SNN: variants seen among roughly 807,000 people sequenced by gnomAD.
The protein encoded by SNN is AG8_1.
A neutral mutation model predicts 5.3 loss-of-function variants in SNN; 5 were observed. The ratio of observed to expected loss-of-function variants is 0.94; its 90% CI spans 0.49 to 1.97. The LOEUF is 1.97. Among genes scored for constraint, SNN ranks in the 30% most tolerant of loss-of-function variants. The pLI is 0.01. For missense variants in SNN, 127 were observed against 121.6 expected, an observed-to-expected ratio of 1.04 and a Z score of -0.21; for synonymous variants, 67 against 52.1, an observed-to-expected ratio of 1.29 and a Z score of -1.24.
intron 1 of SNN, 83 bp from the exon 2 acceptor site, chr16:11,675,892 T>G: frequency 3.0e-6 from 2 of 674,328 alleles, no homozygotes; most frequent in South Asian, 2.3e-5. Flanking sequence ...AGGGTGAGGG[T>G]GGGATGGGCA....
chr16:11,679,098 AG>A lies in SNN; in HGVS notation c.*2773del. Reference sequence around the variant, plus strand: ...TTCAAGCTGATTTTCTAGACCACTGAGAAAATCTTTATTTACAATAAATTTC... The same window carrying A: ...TTCAAGCTGATTTTCTAGACCACTGAAAAATCTTTATTTACAATAAATTTC... On this transcript the variant is annotated 3_prime_UTR_variant, in exon 2 of 2. Transcript: ENST00000329565. This position sits in a 1 kb window ranked among gnomAD's most constrained non-coding sequence, Gnocchi z 4.6. The A allele has an allele frequency of 2.3e-6, 3 of 1,322,238 alleles. No individual in the cohort carries two copies. The highest frequency in any genetic ancestry group is 3.1e-6 in the Non-Finnish European group (3 of 968,822). 81.9% of individuals were successfully genotyped at this position (1,322,238 alleles called of 1,614,324 possible).
Position 11,676,375 on chromosome 16 carries a change from TGGGAGG to T in SNN, c.*52_*57del. 6.3e-7 allele frequency: 1 copy of T among 1,581,436 alleles called. No individual in the cohort carries two copies. The highest frequency in any genetic ancestry group is 8.6e-7 in the Non-Finnish European group (1 of 1,160,930). On this transcript the variant is annotated 3_prime_UTR_variant, in exon 2 of 2. Coordinates refer to ENST00000329565, the MANE Select transcript of SNN (RefSeq NM_003498.6). ...CTGTTTGCAGCCGGCCAAGAGGCGC[TGGGAGG>T]GGCAAAACCATACGGATGCGCTGCT...
At chr16:11,675,321 G>A (rs1041183115) in intron 1 of SNN, among the ~76,000 whole-genome samples, 1 of 145,696 alleles carries the variant, frequency 6.9e-6, no homozygotes, top group African/African-American at 2.5e-5. Context: ...GGGCTAGAGC[G>A]CAGTGGTGAG....
Position 11,679,029 on chromosome 16 carries a change from A to C in SNN, c.*2703A>C. 1.4e-6 allele frequency: 1 copy of C among 740,268 alleles called. No homozygotes were observed. The highest frequency in any genetic ancestry group is 3.9e-4 in the Middle Eastern group (1 of 2,542). 45.9% of individuals were successfully genotyped at this position (740,268 alleles called of 1,614,324 possible). A position where few individuals can be genotyped will look rare whatever the true frequency, so the allele number is the denominator to read the frequency against. On this transcript the variant is annotated 3_prime_UTR_variant, in exon 2 of 2. Coordinates refer to ENST00000329565, the MANE Select transcript of SNN (RefSeq NM_003498.6). This position sits in a 1 kb window ranked among gnomAD's most constrained non-coding sequence, Gnocchi z 4.6. ...CTCAAAGCTACCAAGTTTGTGCAATAAGTGGAAGGGATGTCATCCTTCTTC... is the reference window on the plus strand; with the variant it reads ...CTCAAAGCTACCAAGTTTGTGCAATCAGTGGAAGGGATGTCATCCTTCTTC...
rs917821769 is a variant in SNN at position 11,676,500 on chromosome 16, C to T, written c.*174C>T. ...CCGGGGACCTGGCTGTCCTGGGCTT[C>T]CCCTCGGCCTCCAGGTGAGGCTGCC... On this transcript the variant is annotated 3_prime_UTR_variant, in exon 2 of 2. Transcript: ENST00000329565. 2.5e-6 allele frequency: 2 copies of T among 786,538 alleles called. No individual in the cohort carries two copies. The highest frequency in any genetic ancestry group is 4.0e-6 in the Non-Finnish European group (2 of 495,482). The allele number at this position is 786,538 out of a possible 1,614,324, so 48.7% of individuals were successfully genotyped here.
At position 11,677,647 on chromosome 16, in the gene SNN, C is replaced by T. The variant is rs1309393218; in HGVS notation, c.*1321C>T. 1.2e-5 allele frequency: 2 copies of T among 167,058 alleles called. No individual in the cohort carries two copies. The highest frequency in any genetic ancestry group is 1.3e-4 in the Admixed American group (2 of 15,290). 10.3% of individuals were successfully genotyped at this position (167,058 alleles called of 1,614,324 possible). ...AGCTAGTGTCTCCACAGCCTGTCTC[C>T]AAGGCCTCCCCTATGTACATTTCAG... On this transcript the variant is annotated 3_prime_UTR_variant, in exon 2 of 2. Coordinates refer to ENST00000329565, the MANE Select transcript of SNN (RefSeq NM_003498.6). The surrounding 1 kb of genome is among the most constrained non-coding windows in gnomAD (Gnocchi z 4.2).
At chr16:11,673,518 G>A (rs1236266365) in intron 1 of SNN, among the ~76,000 whole-genome samples, 4 of 152,188 alleles carry the variant, frequency 2.6e-5, no homozygotes, top group African/African-American at 9.6e-5. Context: ...TCTGCGTGGT[G>A]GGGGCTGCCC....
At chr16:11,670,552 G>A (rs1358510681) in intron 1 of SNN, among the ~76,000 whole-genome samples, 1 of 152,202 alleles carries the variant, frequency 6.6e-6, no homozygotes, top group African/African-American at 2.4e-5. Flanking sequence ...TGCAAACCTG[G>A]TGACCTCATG....
chr16:11,670,463 G>C (rs565770931), intron 1 of SNN, among the ~76,000 whole-genome samples: 2 of 152,192 alleles, frequency 1.3e-5, no homozygotes, highest in Admixed American at 1.3e-4. Flanking sequence ...TGGCCCTGGG[G>C]GTGGGCTTGG....
At chr16:11,669,172 C>T (rs1446986609) in intron 1 of SNN, among the ~76,000 whole-genome samples, 1 of 152,192 alleles carries the variant, frequency 6.6e-6, no homozygotes, top group Non-Finnish European at 1.5e-5. Flanking sequence ...CTTTGCTCCT[C>T]CGTGGAGTGG....
At position 11,671,343 on chromosome 16, in the gene SNN, G is replaced by T. The variant is rs542849756; in HGVS notation, c.-86+2803G>T. ...GTTTGGGGGATCCAGATGGCCTTGG[G>T]CTTCAAATGCCAGGCAGAGGGGACA... On this transcript the variant is annotated intron_variant, in intron 1 of 1. Coordinates refer to ENST00000329565, the MANE Select transcript of SNN (RefSeq NM_003498.6). This position sits in a 1 kb window ranked among gnomAD's most constrained non-coding sequence, Gnocchi z 4.7. Among the ~76,000 whole-genome samples, 11 of 152,220 alleles carry T rather than the reference G, an allele frequency of 7.2e-5. No individual in the cohort carries two copies. In the East Asian group the frequency reaches 2.1e-3, roughly 29 times the overall value.
chr16:11,678,996 G>C lies in SNN; in HGVS notation c.*2670G>C, dbSNP rs2050335377. ...AAATCTTCAAACGGACTGTGCTACT[G>C]TATTTGTCTCAAAGCTACCAAGTTT... On this transcript the variant is annotated 3_prime_UTR_variant, in exon 2 of 2. Transcript: ENST00000329565. 3.1e-6 allele frequency: 2 copies of C among 636,984 alleles called. No homozygotes were observed. Among genetic ancestry groups the C allele is most frequent in the Admixed American group, 3.1e-5 (1 of 31,854 alleles). 39.5% of individuals were successfully genotyped at this position (636,984 alleles called of 1,614,324 possible). A position where few individuals can be genotyped will look rare whatever the true frequency, so the allele number is the denominator to read the frequency against.
intron 1 of SNN, among the ~76,000 whole-genome samples, chr16:11,669,237 C>G (rs1049472254): frequency 1.3e-5 from 2 of 152,256 alleles, no homozygotes; most frequent in East Asian, 3.9e-4. Context: ...CGGAGCGCGC[C>G]TGGCACCGCG....
chr16:11,669,694 C>G (rs1406826878), intron 1 of SNN, among the ~76,000 whole-genome samples: 1 of 152,204 alleles, frequency 6.6e-6, no homozygotes, highest in Non-Finnish European at 1.5e-5. Flanking sequence ...TTTGGCCAAA[C>G]AGGCCAACCC....
rs991709250 is a variant in SNN at position 11,676,114 on chromosome 16, C to G, written c.55C>G (p.Leu19Val). ...GGGCGTGGTCACAGTCATCGTCATC[C>G]TCATTGCCATCGCGGCCCTGGGGGC... ...TTGVVTVIVI[L>V]IAIAALGALI... The change falls in exon 2 of 2, where the codon CTC (leucine) becomes GTC (valine). Residue 19 changes from leucine (L) to valine (V), a missense_variant. By Grantham distance (32) the Leu-to-Val change is conservative. Coordinates refer to ENST00000329565, the MANE Select transcript of SNN (RefSeq NM_003498.6). 1 of 1,614,084 alleles carries G rather than the reference C, an allele frequency of 6.2e-7. No homozygotes were observed. The highest frequency in any genetic ancestry group is 8.5e-7 in the Non-Finnish European group (1 of 1,179,964).
chr16:11,676,360 C>T lies in SNN; in HGVS notation c.*34C>T. 6.3e-7 allele frequency: 1 copy of T among 1,597,006 alleles called. No individual in the cohort carries two copies. Among genetic ancestry groups the T allele is most frequent in the Non-Finnish European group, 8.6e-7 (1 of 1,168,268 alleles). The stretch of plus-strand genomic sequence containing the variant: ...GCAAGGCTCCTGGTCCTGTTTGCAG[C>T]CGGCCAAGAGGCGCTGGGAGGGGCA... On this transcript the variant is annotated 3_prime_UTR_variant, in exon 2 of 2. Coordinates refer to ENST00000329565, the MANE Select transcript of SNN (RefSeq NM_003498.6).
At chr16:11,669,698 C>T (rs890080244) in intron 1 of SNN, among the ~76,000 whole-genome samples, 4 of 152,208 alleles carry the variant, frequency 2.6e-5, no homozygotes, top group Non-Finnish European at 5.9e-5. Context: ...GCCAAACAGG[C>T]CAACCCTGGG....
chr16:11,669,632 T>C (rs2050253712), intron 1 of SNN, among the ~76,000 whole-genome samples: 1 of 152,242 alleles, frequency 6.6e-6, no homozygotes, highest in South Asian at 2.1e-4. Flanking sequence ...TATCTCAGTG[T>C]CTGGCACATA....
rs1362806743 is a variant in SNN at position 11,676,302 on chromosome 16, C to T, written c.243C>T (p.Pro81=). ...CVERKAKLMT[P]NGPEVHG is the part of the protein sequence containing the mutation. Reference sequence around the variant, plus strand: ...AGAGAAAGGCCAAGCTGATGACTCCCAACGGCCCGGAAGTCCACGGCTGAG... The same window carrying T: ...AGAGAAAGGCCAAGCTGATGACTCCTAACGGCCCGGAAGTCCACGGCTGAG... Residue 81 remains proline (P), a synonymous_variant, in exon 2 of 2, where the codon CCC becomes CCT. Transcript: ENST00000329565. 2 of 1,613,940 alleles carry T rather than the reference C, an allele frequency of 1.2e-6. No individual in the cohort carries two copies. Among genetic ancestry groups the T allele is most frequent in the Admixed American group, 1.7e-5 (1 of 60,016 alleles).
Sources: allele counts gnomAD v4.1 joint callset (sites outside exome capture counted in the v4.1 genomes callset), GRCh38; gene constraint gnomAD v4.1.1; non-coding constraint Gnocchi (gnomAD v3.1); transcripts MANE v1.5; gene names NCBI Gene and HGNC (gene_info 2026-07-23, HGNC 2026-07-21).